The following LDLRAD4 variants were observed in gnomAD, a reference collection of about 807,000 sequenced individuals.
LDLRAD4 encodes low-density lipoprotein receptor class A domain-containing protein 4.
LDLRAD4 carries 5 observed loss-of-function variants against 17.0 expected under a neutral mutation model. The observed-to-expected ratio is 0.29, with a 90% CI of 0.15 to 0.62. The LOEUF is 0.62. Ranked by LOEUF, LDLRAD4 falls within the 20% of genes least tolerant of loss-of-function variation. The pLI is 0.84. For synonymous variants in LDLRAD4, 168 were observed against 171.8 expected (o/e 0.98, Z 0.17); for missense variants, 340 against 424.7 (o/e 0.80, Z 1.75).
chr18:13,338,088 C>T (rs1426112127), intron 1 of LDLRAD4, among the ~76,000 whole-genome samples: 1 of 152,214 alleles, frequency 6.6e-6, no homozygotes, highest in African/African-American at 2.4e-5. Flanking sequence ...TTTCCCTTCT[C>T]TTTCCCTTCT....
chr18:13,462,641 T>G (rs2092470954), intron 3 of LDLRAD4, among the ~76,000 whole-genome samples: 1 of 152,192 alleles, frequency 6.6e-6, no homozygotes, highest in Admixed American at 6.5e-5. Flanking sequence ...ATACAAATTC[T>G]TCTATGCCAA....
upstream of LDLRAD4, chr18:13,218,157 T>C (rs2145261665): frequency 6.6e-6 from 1 of 152,322 alleles, no homozygotes; most frequent in East Asian, 1.9e-4. Flanking sequence ...ACCGCTGCGC[T>C]CCGGAGGGAG....
chr18:13,605,190 A>G (rs1871459843), intron 3 of LDLRAD4, among the ~76,000 whole-genome samples: 2 of 152,234 alleles, frequency 1.3e-5, no homozygotes. Flanking sequence ...GAAGGATGCC[A>G]AATATTCTAG....
chr18:13,586,849 G>A (rs191443163), intron 3 of LDLRAD4, among the ~76,000 whole-genome samples: 22 of 148,152 alleles, frequency 1.5e-4, no homozygotes, highest in African/African-American at 5.5e-4. Flanking sequence ...GTGACAGAGT[G>A]AGACTCTGAA....
chr18:13,650,649 T>C, exon 6 of LDLRAD4: 1 of 311,442 alleles, frequency 3.2e-6, no homozygotes, highest in East Asian at 5.2e-5. Context: ...TAAGGTGCTG[T>C]ATATAAGTTG....
chr18:13,590,515 C>G (rs376444217), intron 3 of LDLRAD4, among the ~76,000 whole-genome samples: 52 of 152,324 alleles, frequency 3.4e-4, no homozygotes, highest in African/African-American at 1.2e-3. Flanking sequence ...CCCTGCAGCT[C>G]CCGAAGGCCA....
At chr18:13,233,527 G>A (rs944743057) in intron 1 of LDLRAD4, among the ~76,000 whole-genome samples, 1 of 152,160 alleles carries the variant, frequency 6.6e-6, no homozygotes, top group Non-Finnish European at 1.5e-5. Flanking sequence ...CTCTGGTGCT[G>A]TTTTATGGAA....
At chr18:13,307,292 A>ACT in intron 1 of LDLRAD4, among the ~76,000 whole-genome samples, 2 of 151,530 alleles carry the variant, frequency 1.3e-5, no homozygotes, top group South Asian at 4.2e-4. Context: ...GCCAACCCTG[A>ACT]CTCTCCCTCC....
chr18:13,527,226 T>G (rs539333253), intron 3 of LDLRAD4, among the ~76,000 whole-genome samples: 1 of 152,360 alleles, frequency 6.6e-6, no homozygotes, highest in South Asian at 2.1e-4. Context: ...AAATACCAGT[T>G]CTACAGACAC....
In LDLRAD4 at chr18:13,571,675, T is replaced by C. The variant is rs141241574; in HGVS notation, c.182-49442T>C. On this transcript the variant is annotated intron_variant, in intron 3 of 5. Transcript: ENST00000359446. ...ATTTTGAGATGGATTCTCGCTCTGT[T>C]GCCCAGGCTGGAGTGCAGTGGTATG... 8.3e-3 allele frequency among the ~76,000 whole-genome samples: 1,258 copies of C among 152,332 alleles called. 13 individuals carry two copies. Among genetic ancestry groups the C allele is most frequent in the East Asian group, 0.038 (199 of 5,196 alleles).
intron 1 of LDLRAD4, among the ~76,000 whole-genome samples, chr18:13,304,189 TG>T: frequency 6.6e-6 from 1 of 152,220 alleles, no homozygotes; most frequent in Non-Finnish European, 1.5e-5. Context: ...CTCATCTTGG[TG>T]GATGTTGCAC....
At chr18:13,480,037 A>G (rs2093045246) in intron 3 of LDLRAD4, among the ~76,000 whole-genome samples, 1 of 152,220 alleles carries the variant, frequency 6.6e-6, no homozygotes, top group African/African-American at 2.4e-5. Context: ...ATCTTACCAT[A>G]TGATCCAACA....
intron 3 of LDLRAD4, among the ~76,000 whole-genome samples, chr18:13,618,176 T>G (rs947406199): frequency 2.6e-5 from 4 of 152,252 alleles, no homozygotes; most frequent in Non-Finnish European, 5.9e-5. Context: ...TAAAGAGGTC[T>G]GTGATGTATT....
chr18:13,292,201 A>G (rs1055638268), intron 1 of LDLRAD4, among the ~76,000 whole-genome samples: 6 of 152,154 alleles, frequency 3.9e-5, no homozygotes, highest in Non-Finnish European at 2.9e-5. Context: ...CTCCTCATTC[A>G]CTGGCTTGGG....
chr18:13,555,026 T>A (rs74800005), intron 3 of LDLRAD4, among the ~76,000 whole-genome samples: 2 of 152,288 alleles, frequency 1.3e-5, no homozygotes, highest in Admixed American at 1.3e-4. Context: ...AGTCTAATCA[T>A]GAGCGAAAAC....
At chr18:13,237,215 GC>G in intron 1 of LDLRAD4, among the ~76,000 whole-genome samples, 1 of 152,298 alleles carries the variant, frequency 6.6e-6, no homozygotes, top group South Asian at 2.1e-4. Flanking sequence ...CTGCCTGCTT[GC>G]AGGGTTACTC....
chr18:13,349,352 C>T (rs1442519739), intron 1 of LDLRAD4, among the ~76,000 whole-genome samples: 1 of 152,174 alleles, frequency 6.6e-6, no homozygotes, highest in East Asian at 1.9e-4. Context: ...CATTAATATG[C>T]ACTTATGATT....
intron 3 of LDLRAD4, among the ~76,000 whole-genome samples, chr18:13,576,314 T>C (rs976126311): frequency 6.7e-6 from 1 of 149,786 alleles, no homozygotes; most frequent in African/African-American, 2.5e-5. Context: ...CCCAGCTACT[T>C]GGGAGGCTGA....
intron 1 of LDLRAD4, among the ~76,000 whole-genome samples, chr18:13,369,974 G>A (rs2084339155): frequency 6.6e-6 from 1 of 152,230 alleles, no homozygotes; most frequent in East Asian, 1.9e-4. Flanking sequence ...GGGATTCTGG[G>A]AGGTTTTGCG....
Sources: allele counts gnomAD v4.1 joint callset (sites outside exome capture counted in the v4.1 genomes callset), GRCh38; gene constraint gnomAD v4.1.1; transcripts MANE v1.5; gene names NCBI Gene and HGNC (gene_info 2026-07-23, HGNC 2026-07-21).